Variants in TCF7L1 observed in about 807,000 individuals in gnomAD.
TCF7L1 encodes the protein transcription factor 7 like 1.
Under a neutral mutation model 63.7 loss-of-function variants are expected in TCF7L1, and 18 were observed. The observed-to-expected ratio is 0.28, with a 90% CI of 0.20 to 0.42. TCF7L1 has a LOEUF of 0.42. TCF7L1 is among the 10% of genes least tolerant of loss of function. The pLI is 1.00. For missense variants in TCF7L1, 654 were observed against 779.3 expected, an observed-to-expected ratio of 0.84 and a Z score of 1.91; for synonymous variants, 355 against 340.9, an observed-to-expected ratio of 1.04 and a Z score of -0.46.
intron 3 of TCF7L1, among the ~76,000 whole-genome samples, chr2:85,280,952 GGCTCCA>G (rs933107189): frequency 2.0e-5 from 3 of 151,950 alleles, no homozygotes; most frequent in African/African-American, 7.3e-5. Flanking sequence ...CAGAGACCTA[GGCTCCA>G]GCTCCAGCTG....
intron 3 of TCF7L1, among the ~76,000 whole-genome samples, chr2:85,248,033 A>G (rs893808713): frequency 6.6e-5 from 10 of 152,216 alleles, no homozygotes; most frequent in African/African-American, 2.4e-5. Context: ...CCAAGAATAT[A>G]TCTTCCTATG....
At chr2:85,202,063 A>G (rs919985000) in intron 3 of TCF7L1, among the ~76,000 whole-genome samples, 2 of 152,048 alleles carry the variant, frequency 1.3e-5, no homozygotes, top group Non-Finnish European at 2.9e-5. Context: ...TGCAAATTCA[A>G]GTGATTCTCC....
chr2:85,243,547 G>T (rs1256885346), intron 3 of TCF7L1, among the ~76,000 whole-genome samples: 2 of 152,168 alleles, frequency 1.3e-5, no homozygotes, highest in African/African-American at 2.4e-5. Flanking sequence ...AGTGTTTTCG[G>T]AATTGTCTGG....
intron 3 of TCF7L1, among the ~76,000 whole-genome samples, chr2:85,204,088 T>TA (rs932567817): frequency 1.5e-4 from 23 of 152,018 alleles, no homozygotes; most frequent in South Asian, 6.2e-4. Flanking sequence ...CTAATGGAGG[T>TA]AAAAAAAATC....
chr2:85,206,685 G>A (rs993482689), intron 3 of TCF7L1, among the ~76,000 whole-genome samples: 1 of 152,078 alleles, frequency 6.6e-6, no homozygotes. Context: ...ATCTCCTGTG[G>A]GCCAGGCACT....
intron 3 of TCF7L1, among the ~76,000 whole-genome samples, chr2:85,153,496 C>T (rs1311467385): frequency 6.6e-6 from 1 of 151,862 alleles, no homozygotes; most frequent in Non-Finnish European, 1.5e-5. Flanking sequence ...TGCCCACCAC[C>T]ACGCCCGGCT....
chr2:85,252,989 C>G (rs1422850786), intron 3 of TCF7L1, among the ~76,000 whole-genome samples: 1 of 152,134 alleles, frequency 6.6e-6, no homozygotes, highest in African/African-American at 2.4e-5. Context: ...AAAATTAGAC[C>G]TTCGCCACTC....
intron 3 of TCF7L1, among the ~76,000 whole-genome samples, chr2:85,274,031 G>T (rs56152018): frequency 2.0e-5 from 3 of 152,148 alleles, no homozygotes; most frequent in Admixed American, 6.5e-5. Flanking sequence ...GGAGGGAAGC[G>T]TGTCAGTAGA....
At chr2:85,298,767 G>A (rs1271351317) in intron 4 of TCF7L1, among the ~76,000 whole-genome samples, 1 of 152,056 alleles carries the variant, frequency 6.6e-6, no homozygotes, top group Non-Finnish European at 1.5e-5. Flanking sequence ...AGGGGTGTGC[G>A]GTGGTTCCCT....
At chr2:85,257,846 G>A (rs983455186) in intron 3 of TCF7L1, among the ~76,000 whole-genome samples, 5 of 152,190 alleles carry the variant, frequency 3.3e-5, no homozygotes, top group African/African-American at 1.2e-4. Flanking sequence ...CGTAGTGAGG[G>A]TTCCACATTA....
At chr2:85,152,049 T>C (rs770070661) in intron 3 of TCF7L1, among the ~76,000 whole-genome samples, 1 of 152,240 alleles carries the variant, frequency 6.6e-6, no homozygotes, top group Non-Finnish European at 1.5e-5. Flanking sequence ...ATTATCCTTA[T>C]TGATACCCAA....
At chr2:85,231,948 C>A (rs1428203502) in intron 3 of TCF7L1, among the ~76,000 whole-genome samples, 1 of 152,148 alleles carries the variant, frequency 6.6e-6, no homozygotes, top group African/African-American at 2.4e-5. Flanking sequence ...CCTCAACAGC[C>A]CCTACTTCAG....
chr2:85,299,121 T>G (rs1284137662), intron 4 of TCF7L1, among the ~76,000 whole-genome samples: 3 of 150,356 alleles, frequency 2.0e-5, no homozygotes, highest in Admixed American at 6.6e-5. Context: ...ACCTAATACT[T>G]AATTCTGTTA....
At chr2:85,145,498 C>T (rs1460639943) in intron 3 of TCF7L1, among the ~76,000 whole-genome samples, 1 of 152,180 alleles carries the variant, frequency 6.6e-6, no homozygotes, top group Admixed American at 6.5e-5. Context: ...ACTACACTCC[C>T]CTCTGTAAAT....
At chr2:85,295,542 T>C (rs1484465278) in intron 4 of TCF7L1, among the ~76,000 whole-genome samples, 1 of 152,144 alleles carries the variant, frequency 6.6e-6, no homozygotes, top group Non-Finnish European at 1.5e-5. Context: ...GTTTCAAGAA[T>C]AATACAAGGA....
chr2:85,301,621 T>G (rs1057234001), intron 4 of TCF7L1, among the ~76,000 whole-genome samples: 1 of 152,166 alleles, frequency 6.6e-6, no homozygotes, highest in Non-Finnish European at 1.5e-5. Flanking sequence ...TTTGGTGGTG[T>G]TTTACACAGA....
chr2:85,204,945 A>G (rs1203349891), intron 3 of TCF7L1: 5 of 151,810 alleles, frequency 3.3e-5, no homozygotes, highest in African/African-American at 4.8e-5. Context: ...TTGACAGCAC[A>G]TAAACTAAAA....
chr2:85,166,218 C>A (rs1678416111), intron 3 of TCF7L1, among the ~76,000 whole-genome samples: 1 of 152,132 alleles, frequency 6.6e-6, no homozygotes, highest in Admixed American at 6.5e-5. Context: ...TATTTGGAGT[C>A]CAGTGCTAGG....
intron 3 of TCF7L1, among the ~76,000 whole-genome samples, chr2:85,254,988 A>G (rs1680674913): frequency 6.6e-6 from 1 of 152,208 alleles, no homozygotes; most frequent in Non-Finnish European, 1.5e-5. Context: ...GGCTGTCTTG[A>G]GAGGTGGTGA....
Sources: gnomAD v4.1 joint callset for allele counts (sites outside exome capture counted in the v4.1 genomes callset) on GRCh38, gnomAD v4.1.1 for gene constraint, MANE v1.5 for transcripts, NCBI Gene and HGNC (gene_info 2026-07-23, HGNC 2026-07-21) for gene names.